The following MARCHF11 variants were observed in gnomAD, a reference collection of about 807,000 sequenced individuals.
MARCHF11 encodes the protein E3 ubiquitin-protein ligase MARCHF11.
Under a neutral mutation model 37.3 loss-of-function variants are expected in MARCHF11, and 29 were observed. The ratio of observed to expected loss-of-function variants is 0.78; its 90% CI spans 0.58 to 1.06. The LOEUF (loss-of-function observed/expected upper bound fraction) is 1.06, where lower values mean the gene tolerates loss of function less well. Among genes scored for constraint, MARCHF11 ranks in the 50% least tolerant of loss-of-function variants. The pLI, the probability that MARCHF11 is intolerant of heterozygous loss-of-function variation, is 0.00. For synonymous variants in MARCHF11, 233 were observed against 228.0 expected (o/e 1.02, Z -0.20); for missense variants, 482 against 533.4 (o/e 0.90, Z 0.95).
intron 2 of MARCHF11, among the ~76,000 whole-genome samples, chr5:16,145,718 C>A (rs1283534398): frequency 2.0e-5 from 3 of 150,846 alleles, no homozygotes; most frequent in African/African-American, 7.3e-5. Flanking sequence ...TCCCTTTTTT[C>A]TCATTCCAGT....
intron 3 of MARCHF11, among the ~76,000 whole-genome samples, chr5:16,085,187 C>T (rs771869885): frequency 3.0e-4 from 45 of 151,874 alleles, no homozygotes; most frequent in Non-Finnish European, 5.9e-4. Context: ...ATCCCCGTAG[C>T]GTTAAAATTA....
intron 2 of MARCHF11, among the ~76,000 whole-genome samples, chr5:16,146,394 G>A (rs1487812103): frequency 1.3e-5 from 2 of 152,152 alleles, no homozygotes; most frequent in East Asian, 3.9e-4. Flanking sequence ...TTTGCTGAAA[G>A]CATTCTATTT....
chr5:16,103,124 C>A (rs12187488), intron 2 of MARCHF11, among the ~76,000 whole-genome samples: 43,559 of 147,462 alleles, frequency 0.3, 7,586 homozygotes, highest in East Asian at 0.57. Context: ...AAAAAAAAAA[C>A]AAAACTCCAC....
Position 16,179,652 on chromosome 5 carries a change from G to A in MARCHF11, c.-77C>T. 1.9e-6 allele frequency: 2 copies of A among 1,056,224 alleles called. No homozygotes were observed. The highest frequency in any genetic ancestry group is 4.1e-4 in the Middle Eastern group (1 of 2,436). The allele number at this position is 1,056,224 out of a possible 1,614,324, so 65.4% of individuals were successfully genotyped here. On this transcript the variant is annotated 5_prime_UTR_variant, in exon 1 of 4. Transcript: ENST00000332432. Reference sequence around the variant, plus strand: ...GCTGCAGGGAAAGAGAGCGCGGAGGGGGCGGGAGGGAGAGGGGAAAAGGAG... The same window carrying A: ...GCTGCAGGGAAAGAGAGCGCGGAGGAGGCGGGAGGGAGAGGGGAAAAGGAG...
intron 2 of MARCHF11, among the ~76,000 whole-genome samples, chr5:16,170,663 T>C (rs545392496): frequency 2.0e-5 from 3 of 152,270 alleles, no homozygotes; most frequent in Admixed American, 2.0e-4. Flanking sequence ...ATTCATACCA[T>C]AAATATTCAC....
intron 2 of MARCHF11, among the ~76,000 whole-genome samples, chr5:16,117,142 T>A (rs997289278): frequency 6.6e-6 from 1 of 152,094 alleles, no homozygotes; most frequent in East Asian, 1.9e-4. Context: ...ATAGATGAGT[T>A]TGGCAGTAGC....
chr5:16,115,903 A>G (rs1737220126), intron 2 of MARCHF11, among the ~76,000 whole-genome samples: 1 of 152,192 alleles, frequency 6.6e-6, no homozygotes, highest in Admixed American at 6.5e-5. Context: ...CTAGGATTAC[A>G]GGAGTAAGCC....
At chr5:16,132,417 G>A in intron 2 of MARCHF11, among the ~76,000 whole-genome samples, 1 of 152,086 alleles carries the variant, frequency 6.6e-6, no homozygotes, top group Non-Finnish European at 1.5e-5. Flanking sequence ...TTTGTCTTTA[G>A]CTTCTTCCTC....
rs917675581 is a variant in MARCHF11 at position 16,067,534 on chromosome 5, G to A, written c.1146C>T (p.Pro382=). ...VLLHLFNRMR[P]HEDLSEDNSS... ...TGTTATCTTCTGATAAGTCTTCATG[G>A]GGCCTCATCCGATTGAACAGGTGCA... is the stretch of plus-strand genomic sequence containing the variant. Residue 382 remains proline (P), a synonymous_variant, in exon 4 of 4, where the codon CCC becomes CCT. Coordinates refer to ENST00000332432, the MANE Select transcript of MARCHF11 (RefSeq NM_001102562.3). 1.2e-6 allele frequency: 2 copies of A among 1,613,810 alleles called. No homozygotes were observed. Among genetic ancestry groups the A allele is most frequent in the Middle Eastern group, 1.6e-4 (1 of 6,062 alleles).
chr5:16,090,842 G>A (rs1200391261), intron 3 of MARCHF11, 47 bp downstream of exon 3: 2 of 1,364,664 alleles, frequency 1.5e-6, no homozygotes, highest in African/African-American at 1.5e-5. Context: ...ATCGCTGAAA[G>A]AAATGGATTA....
chr5:16,092,571 T>G (rs1736804718), intron 2 of MARCHF11, among the ~76,000 whole-genome samples: 1 of 151,890 alleles, frequency 6.6e-6, no homozygotes, highest in Non-Finnish European at 1.5e-5. Flanking sequence ...AACATCACAC[T>G]GGGGCCTGTT....
intron 2 of MARCHF11, among the ~76,000 whole-genome samples, chr5:16,096,665 G>A (rs190837716): frequency 2.3e-3 from 350 of 152,256 alleles, no homozygotes; most frequent in African/African-American, 7.7e-3. Context: ...TGCCTTCAGC[G>A]AATAAAGGAG....
In MARCHF11 at chr5:16,125,243, G is replaced by A. The variant is rs1737382354; in HGVS notation, c.694-34162C>T. Among the ~76,000 whole-genome samples the A allele has an allele frequency of 2.0e-5, 3 of 151,110 alleles. 1 individual carries two copies. Among genetic ancestry groups the A allele is most frequent in the Non-Finnish European group, 1.5e-5 (1 of 67,592 alleles). On this transcript the variant is annotated intron_variant, in intron 2 of 3. Transcript: ENST00000332432. ...TGACACTGCTGATAGCTTATTGATGGCCATCTGATGTTTGAACTGAATACT... is the reference window on the plus strand; with the variant it reads ...TGACACTGCTGATAGCTTATTGATGACCATCTGATGTTTGAACTGAATACT...
At chr5:16,124,856 G>A (rs889221669) in intron 2 of MARCHF11, among the ~76,000 whole-genome samples, 4 of 151,088 alleles carry the variant, frequency 2.6e-5, no homozygotes, top group African/African-American at 4.8e-5. Context: ...ACACACTTAG[G>A]GGCAAGATTC....
At chr5:16,146,254 C>T (rs1247702314) in intron 2 of MARCHF11, among the ~76,000 whole-genome samples, 3 of 152,114 alleles carry the variant, frequency 2.0e-5, no homozygotes, top group Non-Finnish European at 2.9e-5. Flanking sequence ...TATGACCTCT[C>T]GCAGTGGGCT....
chr5:16,086,257 C>T (rs1736696874), intron 3 of MARCHF11, among the ~76,000 whole-genome samples: 2 of 152,058 alleles, frequency 1.3e-5, no homozygotes, highest in South Asian at 4.1e-4. Context: ...TACCTAAACC[C>T]ACGTAAACCT....
At chr5:16,128,853 T>C (rs1388072869) in intron 2 of MARCHF11, among the ~76,000 whole-genome samples, 3 of 152,236 alleles carry the variant, frequency 2.0e-5, no homozygotes, top group Non-Finnish European at 2.9e-5. Context: ...AAGAAAAATG[T>C]GAGCAAGCTT....
Position 16,118,167 on chromosome 5 carries a change from G to A in MARCHF11, c.694-27086C>T, listed in dbSNP as rs139064697. ...ACACAGAACCATAGATGGGACGCGC[G>A]GGGGGAAAGGATGAGCTATATGAAA... On this transcript the variant is annotated intron_variant, in intron 2 of 3. Coordinates refer to ENST00000332432, the MANE Select transcript of MARCHF11 (RefSeq NM_001102562.3). 4.7e-3 allele frequency among the ~76,000 whole-genome samples: 717 copies of A among 152,248 alleles called. 1 individual carries two copies. The highest frequency in any genetic ancestry group is 7.3e-3 in the Non-Finnish European group (495 of 68,032).
At chr5:16,128,639 T>C (rs1300165327) in intron 2 of MARCHF11, among the ~76,000 whole-genome samples, 1 of 152,198 alleles carries the variant, frequency 6.6e-6, no homozygotes, top group African/African-American at 2.4e-5. Context: ...TAATCCTTTT[T>C]AGAAGAAGCT....
Sources: gnomAD v4.1 joint callset for allele counts (sites outside exome capture counted in the v4.1 genomes callset) on GRCh38, gnomAD v4.1.1 for gene constraint, MANE v1.5 for transcripts, NCBI Gene and HGNC (gene_info 2026-07-23, HGNC 2026-07-21) for gene names.